VPS13B: variants seen among roughly 807,000 people sequenced by gnomAD.
The protein encoded by VPS13B is vacuolar protein sorting 13 homolog B.
VPS13B carries 285 observed loss-of-function variants against 426.4 expected under a neutral mutation model. That is an observed-to-expected ratio of 0.67 (90% confidence interval 0.61 to 0.74). The LOEUF is 0.74. Among genes scored for constraint, VPS13B ranks in the 30% least tolerant of loss-of-function variants. The pLI is 0.00. For missense variants in VPS13B, 4,537 were observed against 4,782.6 expected (o/e 0.95, Z 1.51); for synonymous variants, 1,676 against 1,676.4 (o/e 1.00, Z 0.01).
chr8:99,365,002 T>A (rs1229341515), intron 19 of VPS13B, among the ~76,000 whole-genome samples: 2 of 152,196 alleles, frequency 1.3e-5, no homozygotes, highest in East Asian at 3.9e-4. Flanking sequence ...TGCTTCAGTC[T>A]TGGTAGGTTA....
chr8:99,147,812 T>G, intron 13 of VPS13B, 29 bp from the exon 14 acceptor site: 1 of 1,348,712 alleles, frequency 7.4e-7, no homozygotes, highest in Non-Finnish European at 9.8e-7. Context: ...AAAATATTCT[T>G]TATTAATTTT....
intron 39 of VPS13B, among the ~76,000 whole-genome samples, chr8:99,762,386 A>G (rs576611081): frequency 6.6e-6 from 1 of 152,086 alleles, no homozygotes; most frequent in African/African-American, 2.4e-5. Context: ...TATCTCTTCC[A>G]CCGCTGGTTG....
At chr8:99,411,907 A>C (rs1815687520) in intron 21 of VPS13B, among the ~76,000 whole-genome samples, 1 of 151,982 alleles carries the variant, frequency 6.6e-6, no homozygotes, top group African/African-American at 2.4e-5. Context: ...CCATTGGTCT[A>C]TATATCAGTT....
In VPS13B at chr8:99,147,881, G is replaced by T. The variant is rs1351498365; in HGVS notation, c.1884G>T (p.Glu628Asp). 2 of 1,607,660 alleles carry T rather than the reference G, an allele frequency of 1.2e-6. No individual in the cohort carries two copies. Among genetic ancestry groups the T allele is most frequent in the Non-Finnish European group, 1.7e-6 (2 of 1,177,448 alleles). The change falls in exon 14 of 62, where the codon GAG (glutamate) becomes GAT (aspartate). Residue 628 changes from glutamate (E) to aspartate (D), a missense_variant. Glu to Asp is a conservative substitution (Grantham distance 45). This residue lies in a region of VPS13B where 4,311 missense variants were observed against 4,474.3 expected (regional missense o/e 0.96). Coordinates refer to ENST00000357162, the MANE Select transcript of VPS13B (RefSeq NM_152564.5). Reference protein sequence around the residue: ...DENETILNPEEVALLEEYIPT... With the variant: ...DENETILNPEDVALLEEYIPT... ...ATGAAACAATACTGAATCCTGAAGA[G>T]GTGGCTCTTCTGGAGGAATATATTC... is the stretch of plus-strand genomic sequence containing the variant.
chr8:99,146,129 A>G (rs1324060169), intron 13 of VPS13B, among the ~76,000 whole-genome samples: 2 of 150,028 alleles, frequency 1.3e-5, no homozygotes, highest in Non-Finnish European at 3.0e-5. Flanking sequence ...TGAACTGCAT[A>G]TGTCTTTTGC....
chr8:99,366,237 C>A (rs976119524), intron 19 of VPS13B, among the ~76,000 whole-genome samples: 7 of 152,036 alleles, frequency 4.6e-5, no homozygotes, highest in Non-Finnish European at 8.8e-5. Flanking sequence ...ATCTTTCTAG[C>A]TCTAATAATA....
At chr8:99,099,971 C>T (rs182694367) in intron 4 of VPS13B, among the ~76,000 whole-genome samples, 2 of 152,182 alleles carry the variant, frequency 1.3e-5, no homozygotes, top group East Asian at 1.9e-4. Context: ...TTTTCAGATG[C>T]GTGTGGAGTA....
chr8:99,458,753 T>A (rs1177189821), intron 23 of VPS13B, among the ~76,000 whole-genome samples: 1 of 152,224 alleles, frequency 6.6e-6, no homozygotes, highest in Non-Finnish European at 1.5e-5. Flanking sequence ...TTCGCCCACT[T>A]TTTGATGGGG....
chr8:99,771,833 A>G (rs1811508132), intron 40 of VPS13B, among the ~76,000 whole-genome samples: 1 of 152,190 alleles, frequency 6.6e-6, no homozygotes, highest in African/African-American at 2.4e-5. Flanking sequence ...AAATCTTGAC[A>G]TTTGGAACTG....
At chr8:99,507,026 A>T in intron 27 of VPS13B, 111 bp from the exon 28 acceptor site, 1 of 1,096,454 alleles carries the variant, frequency 9.1e-7, no homozygotes, top group Non-Finnish European at 1.4e-6. Flanking sequence ...TTTATGTTTT[A>T]GTTCAGTGCA....
intron 19 of VPS13B, among the ~76,000 whole-genome samples, chr8:99,364,438 T>C (rs913908109): frequency 6.6e-6 from 1 of 152,132 alleles, no homozygotes; most frequent in African/African-American, 2.4e-5. Flanking sequence ...TTCTTTTTTT[T>C]GTTTTTGTTT....
chr8:99,569,228 C>T lies in VPS13B; in HGVS notation c.4950-6430C>T, dbSNP rs115390575. 4.1e-3 allele frequency among the ~76,000 whole-genome samples: 630 copies of T among 152,004 alleles called. 8 individuals carry two copies. The highest frequency in any genetic ancestry group is 0.014 in the African/African-American group (587 of 41,472). On this transcript the variant is annotated intron_variant, in intron 31 of 61. Coordinates refer to ENST00000357162, the MANE Select transcript of VPS13B (RefSeq NM_152564.5). ...TATGTTGCATAAGAATTGCTCTGTG[C>T]ACCAGCCTGGGCAGCATGGCGAAAC...
At chr8:99,587,910 G>C (rs1292929171) in intron 33 of VPS13B, among the ~76,000 whole-genome samples, 1 of 151,764 alleles carries the variant, frequency 6.6e-6, no homozygotes, top group African/African-American at 2.4e-5. Flanking sequence ...CCTATGTCCT[G>C]AATGGTAATG....
intron 7 of VPS13B, 41 bp downstream of exon 7, chr8:99,115,915 C>T: frequency 6.3e-7 from 1 of 1,593,284 alleles, no homozygotes; most frequent in Non-Finnish European, 8.6e-7. Context: ...TATTTTAAGA[C>T]TATTCTTACG....
intron 35 of VPS13B, among the ~76,000 whole-genome samples, chr8:99,691,280 A>G (rs1183554623): frequency 6.6e-6 from 1 of 151,302 alleles, no homozygotes; most frequent in Admixed American, 6.6e-5. Context: ...TGTGTTGATT[A>G]TGATGTTCTG....
At chr8:99,289,299 G>C (rs1819605771) in intron 19 of VPS13B, among the ~76,000 whole-genome samples, 1 of 152,088 alleles carries the variant, frequency 6.6e-6, no homozygotes, top group South Asian at 2.1e-4. Context: ...AATAGGTTTA[G>C]TTAGGAGAAT....
chr8:99,577,448 C>A lies in VPS13B; in HGVS notation c.5077-42C>A, dbSNP rs948749373. ...AGAATGATAAATTATCATCTGAAAGCTATCATGTTTCTTTATCTGTATTCT... is the reference window on the plus strand; with the variant it reads ...AGAATGATAAATTATCATCTGAAAGATATCATGTTTCTTTATCTGTATTCT... On this transcript the variant is annotated intron_variant, in intron 32 of 61. Coordinates refer to ENST00000357162, the MANE Select transcript of VPS13B (RefSeq NM_152564.5). 4 of 1,610,628 alleles carry A rather than the reference C, an allele frequency of 2.5e-6. No individual in the cohort carries two copies. In the Admixed American group the frequency reaches 6.7e-5, roughly 27 times the overall value.
chr8:99,498,317 C>G (rs1821041814), intron 25 of VPS13B, among the ~76,000 whole-genome samples: 1 of 151,902 alleles, frequency 6.6e-6, no homozygotes, highest in Non-Finnish European at 1.5e-5. Flanking sequence ...CATTGTTTTT[C>G]TTGCTTAGTT....
At chr8:99,298,688 T>C (rs2133065323) in intron 19 of VPS13B, among the ~76,000 whole-genome samples, 1 of 152,346 alleles carries the variant, frequency 6.6e-6, no homozygotes, top group East Asian at 1.9e-4. Context: ...AGTTTCATTA[T>C]CCCAACACTG....
Sources: gnomAD v4.1 joint callset for allele counts (sites outside exome capture counted in the v4.1 genomes callset) on GRCh38, gnomAD v4.1.1 for gene constraint, gnomAD v4.1.1 regional missense constraint, MANE v1.5 for transcripts, NCBI Gene and HGNC (gene_info 2026-07-23, HGNC 2026-07-21) for gene names.